MACROD2: variants seen among roughly 807,000 people sequenced by gnomAD.
The protein encoded by MACROD2 is ADP-ribose glycohydrolase MACROD2.
In MACROD2, 36 loss-of-function variants were observed where a neutral mutation model predicts 70.4. The observed-to-expected ratio is 0.51, with a 90% CI of 0.39 to 0.68. The LOEUF is 0.68. Among genes scored for constraint, MACROD2 ranks in the 30% least tolerant of loss-of-function variants. The pLI is 0.00. For missense variants in MACROD2, 496 were observed against 538.4 expected (o/e 0.92, Z 0.78); for synonymous variants, 172 against 178.8 (o/e 0.96, Z 0.30).
At chr20:14,438,486 A>C (rs994336853) in intron 3 of MACROD2, among the ~76,000 whole-genome samples, 1 of 152,182 alleles carries the variant, frequency 6.6e-6, no homozygotes, top group Non-Finnish European at 1.5e-5. Flanking sequence ...AATAACCTCC[A>C]GACCATTTTC....
At chr20:15,662,945 C>T (rs1366184314) in intron 8 of MACROD2, among the ~76,000 whole-genome samples, 1 of 151,472 alleles carries the variant, frequency 6.6e-6, no homozygotes, top group Non-Finnish European at 1.5e-5. Flanking sequence ...TGACTTCTGT[C>T]GCTTAAATAA....
Position 14,698,538 on chromosome 20 carries a change from G to T in MACROD2, c.418+13579G>T, listed in dbSNP as rs547157842. ...TCACCTCTTCACTCTCTATCTTCTT[G>T]CCCTGCTTTGGTTGACATCACAGCC... is the stretch of plus-strand genomic sequence containing the variant. On this transcript the variant is annotated intron_variant, in intron 5 of 17. Transcript: ENST00000684519. 2.0e-5 allele frequency among the ~76,000 whole-genome samples: 3 copies of T among 151,518 alleles called. No individual in the cohort carries two copies. The East Asian group carries it at 5.8e-4, about 29-fold the overall frequency.
chr20:15,100,834 A>G (rs1027773670), intron 5 of MACROD2, among the ~76,000 whole-genome samples: 4 of 152,178 alleles, frequency 2.6e-5, no homozygotes, highest in Non-Finnish European at 5.9e-5. Flanking sequence ...CTTAAAATAT[A>G]AAAAAGAAAG....
chr20:14,832,706 T>C (rs1171247495), intron 5 of MACROD2, among the ~76,000 whole-genome samples: 1 of 152,190 alleles, frequency 6.6e-6, no homozygotes, highest in African/African-American at 2.4e-5. Flanking sequence ...GTAAAAAATG[T>C]TGAGATGCTA....
chr20:15,315,267 G>C (rs1388061017), intron 6 of MACROD2, among the ~76,000 whole-genome samples: 2 of 152,108 alleles, frequency 1.3e-5, no homozygotes, highest in Admixed American at 1.3e-4. Flanking sequence ...GAGAAAAAGA[G>C]GCAAAAGAAT....
chr20:14,220,845 C>T (rs1392115483), intron 3 of MACROD2, among the ~76,000 whole-genome samples: 6 of 152,170 alleles, frequency 3.9e-5, no homozygotes, highest in South Asian at 2.1e-4. Context: ...CTCCCACTTC[C>T]GCAGGTGGGG....
At chr20:15,678,721 T>C (rs2050114003) in intron 8 of MACROD2, among the ~76,000 whole-genome samples, 1 of 152,124 alleles carries the variant, frequency 6.6e-6, no homozygotes, top group Admixed American at 6.6e-5. Context: ...TATCAGGGCA[T>C]CCTTTATGAG....
At chr20:14,089,673 G>A (rs549250864) in intron 3 of MACROD2, among the ~76,000 whole-genome samples, 3 of 152,254 alleles carry the variant, frequency 2.0e-5, no homozygotes, top group Middle Eastern at 6.8e-3. Context: ...AGGCATTATA[G>A]TACACAGGGC....
intron 3 of MACROD2, among the ~76,000 whole-genome samples, chr20:14,312,248 G>A (rs540306991): frequency 2.0e-4 from 30 of 152,236 alleles, no homozygotes; most frequent in Non-Finnish European, 3.4e-4. Flanking sequence ...ATCTCTGGGT[G>A]ACTTGTATCA....
At chr20:15,989,627 A>G (rs2066531496) in intron 15 of MACROD2, among the ~76,000 whole-genome samples, 1 of 152,166 alleles carries the variant, frequency 6.6e-6, no homozygotes, top group African/African-American at 2.4e-5. Context: ...GTCTTGTTTG[A>G]AAACATTTCG....
chr20:15,421,138 G>A (rs1600387782), intron 6 of MACROD2, among the ~76,000 whole-genome samples: 1 of 152,220 alleles, frequency 6.6e-6, no homozygotes, highest in East Asian at 1.9e-4. Context: ...AGCATTTTGG[G>A]AGGCTGAGAC....
intron 4 of MACROD2, among the ~76,000 whole-genome samples, chr20:14,500,201 T>C (rs2084901417): frequency 6.6e-6 from 1 of 152,250 alleles, no homozygotes; most frequent in South Asian, 2.1e-4. Flanking sequence ...TAAGCTGTTT[T>C]CTTTGACAGT....
intron 5 of MACROD2, among the ~76,000 whole-genome samples, chr20:14,783,794 C>A (rs986496522): frequency 2.6e-5 from 4 of 152,064 alleles, no homozygotes; most frequent in African/African-American, 4.8e-5. Flanking sequence ...ATAGCTTAAT[C>A]CAACTAAGGA....
chr20:15,895,938 C>CAGAGTTTCTATTTTGACA (rs1385935151), intron 10 of MACROD2, among the ~76,000 whole-genome samples: 4 of 152,222 alleles, frequency 2.6e-5, no homozygotes, highest in South Asian at 2.1e-4. Flanking sequence ...TATTACTTAT[C>CAGAGTTTCTATTTTGACA]AGAGTTTCTA....
intron 8 of MACROD2, among the ~76,000 whole-genome samples, chr20:15,617,327 G>A (rs200749): frequency 0.081 from 12,368 of 152,156 alleles, 554 homozygotes; most frequent in Middle Eastern, 0.088. Flanking sequence ...TTGATTTGGG[G>A]CTTGGGGAGC....
chr20:14,519,751 A>C (rs2085143483), intron 4 of MACROD2, among the ~76,000 whole-genome samples: 1 of 152,182 alleles, frequency 6.6e-6, no homozygotes, highest in Non-Finnish European at 1.5e-5. Flanking sequence ...TCCTAACATA[A>C]AGACACATGC....
At chr20:14,214,586 C>T (rs1392745820) in intron 3 of MACROD2, among the ~76,000 whole-genome samples, 29 of 131,276 alleles carry the variant, frequency 2.2e-4, no homozygotes, top group Non-Finnish European at 2.6e-4. Flanking sequence ...CAGCAATGTT[C>T]TTTTTTTTTT....
chr20:15,157,371 C>G (rs1657960), intron 5 of MACROD2, among the ~76,000 whole-genome samples: 902 of 20,828 alleles, frequency 0.043, 62 homozygotes, highest in African/African-American at 0.13. Context: ...CTCCCCCCCC[C>G]CCGGCCACCC....
At chr20:15,752,605 T>G (rs2051289311) in intron 8 of MACROD2, among the ~76,000 whole-genome samples, 1 of 152,172 alleles carries the variant, frequency 6.6e-6, no homozygotes, top group East Asian at 1.9e-4. Flanking sequence ...CAAGATTATC[T>G]TTTTCATTGC....
Sources: gnomAD v4.1 joint callset for allele counts (sites outside exome capture counted in the v4.1 genomes callset) on GRCh38, gnomAD v4.1.1 for gene constraint, MANE v1.5 for transcripts, NCBI Gene and HGNC (gene_info 2026-07-23, HGNC 2026-07-21) for gene names.